NCK2: variants seen among roughly 807,000 people sequenced by gnomAD.
NCK2 encodes cytoplasmic protein NCK2.
Under a neutral mutation model 33.9 loss-of-function variants are expected in NCK2, and 16 were observed. That is an observed-to-expected ratio of 0.47 (90% confidence interval 0.32 to 0.72). NCK2 has a LOEUF of 0.72. NCK2 is among the 30% of genes least tolerant of loss of function. The probability of loss-of-function intolerance (pLI) is 0.03; values close to 1 mark genes in which losing one functional copy is unlikely to be tolerated. For missense variants in NCK2, 418 were observed against 537.3 expected (o/e 0.78, Z 2.19); for synonymous variants, 273 against 239.9 (o/e 1.14, Z -1.27).
chr2:105,854,841 A>T, intron 2 of NCK2: 2 of 496,996 alleles, frequency 4.0e-6, no homozygotes, highest in Non-Finnish European at 7.3e-6. Flanking sequence ...GTAACATAAG[A>T]TTTGTTTTAT....
intron 2 of NCK2, among the ~76,000 whole-genome samples, chr2:105,827,013 T>C (rs1488585783): frequency 6.6e-6 from 1 of 152,074 alleles, no homozygotes; most frequent in Non-Finnish European, 1.5e-5. Context: ...TTTTTATTTT[T>C]TTTTGAGATG....
intron 3 of NCK2, among the ~76,000 whole-genome samples, chr2:105,865,196 G>A (rs1033864907): frequency 6.6e-5 from 10 of 152,178 alleles, no homozygotes; most frequent in Admixed American, 5.2e-4. Flanking sequence ...CAAATGGGCC[G>A]TGATAATTAT....
chr2:105,881,217 T>A, intron 3 of NCK2, 111 bp from the exon 4 acceptor site: 1 of 1,421,624 alleles, frequency 7.0e-7, no homozygotes, highest in Non-Finnish European at 9.3e-7. Context: ...TGTCCATGTG[T>A]CGTCCCCTTG....
intron 3 of NCK2, among the ~76,000 whole-genome samples, chr2:105,866,863 G>A (rs139441260): frequency 3.3e-5 from 5 of 152,336 alleles, no homozygotes; most frequent in Non-Finnish European, 5.9e-5. Flanking sequence ...CTTCCTGGGT[G>A]TTGAGTGCTT....
chr2:105,780,656 A>AC (rs1008163022), intron 1 of NCK2, among the ~76,000 whole-genome samples: 1 of 151,788 alleles, frequency 6.6e-6, no homozygotes, highest in Non-Finnish European at 1.5e-5. Context: ...TTGAGATCCT[A>AC]CCCCCCAAGG....
chr2:105,783,977 G>A (rs1016547310), intron 1 of NCK2, among the ~76,000 whole-genome samples: 1 of 152,244 alleles, frequency 6.6e-6, no homozygotes, highest in African/African-American at 2.4e-5. Flanking sequence ...GCCTTTGCAG[G>A]TCACTGAGTA....
chr2:105,796,979 T>C (rs1691101731), intron 1 of NCK2, among the ~76,000 whole-genome samples: 1 of 152,176 alleles, frequency 6.6e-6, no homozygotes, highest in African/African-American at 2.4e-5. Context: ...CTAGCTGGGG[T>C]GAGTGTTTGC....
At chr2:105,854,711 A>T (rs1677191605) in intron 2 of NCK2, 1 of 217,182 alleles carries the variant, frequency 4.6e-6, no homozygotes. Context: ...GTGTCAACCT[A>T]ACAGTTATCA....
chr2:105,783,163 C>T (rs959611937), intron 1 of NCK2, among the ~76,000 whole-genome samples: 19 of 152,248 alleles, frequency 1.2e-4, no homozygotes, highest in African/African-American at 3.9e-4. Flanking sequence ...TGCTTTCTGC[C>T]GCAGCAGCTG....
chr2:105,804,466 C>G (rs754455009), intron 1 of NCK2, among the ~76,000 whole-genome samples: 1 of 152,220 alleles, frequency 6.6e-6, no homozygotes, highest in South Asian at 2.1e-4. Context: ...CACAGCTAAT[C>G]TGGCATTTAT....
intron 3 of NCK2, among the ~76,000 whole-genome samples, chr2:105,869,881 A>T (rs1016721911): frequency 5.3e-5 from 8 of 152,140 alleles, no homozygotes; most frequent in Admixed American, 1.3e-4. Context: ...ACTTTCATTC[A>T]CATTTGTGAG....
chr2:105,847,975 T>C (rs569420273), intron 2 of NCK2, among the ~76,000 whole-genome samples: 1 of 152,270 alleles, frequency 6.6e-6, no homozygotes, highest in African/African-American at 2.4e-5. Context: ...TCATCCCAAT[T>C]TTACTACCTT....
chr2:105,881,792 G>C lies in NCK2; in HGVS notation c.691G>C (p.Asp231His). The C allele has an allele frequency of 6.2e-7, 1 of 1,612,854 alleles. No homozygotes were observed. The highest frequency in any genetic ancestry group is 8.5e-7 in the Non-Finnish European group (1 of 1,179,430). Residue 231 changes from aspartate to histidine, a missense_variant, in exon 4 of 5, where the codon GAC (aspartate) becomes CAC (histidine). Transcript: ENST00000233154. ...GGAGGTGATTGAGAAGCCGGAGAAC[G>C]ACCCCGAGTGGTGGAAATGCAAAAA... is the stretch of plus-strand genomic sequence containing the variant. Reference protein sequence around the residue: ...TMEVIEKPENDPEWWKCKNAR... With the variant: ...TMEVIEKPENHPEWWKCKNAR...
At chr2:105,753,649 T>C (rs561640651) in intron 1 of NCK2, among the ~76,000 whole-genome samples, 1 of 152,314 alleles carries the variant, frequency 6.6e-6, no homozygotes, top group South Asian at 2.1e-4. Context: ...TTCTCACTCT[T>C]CCAAGTGGCC....
At chr2:105,864,011 T>G (rs1677651502) in intron 3 of NCK2, among the ~76,000 whole-genome samples, 2 of 150,678 alleles carry the variant, frequency 1.3e-5, no homozygotes, top group Non-Finnish European at 3.0e-5. Flanking sequence ...AGAGTGCAAG[T>G]GAGGATGTGA....
intron 2 of NCK2, among the ~76,000 whole-genome samples, chr2:105,834,017 T>C (rs1373408462): frequency 6.6e-6 from 1 of 152,264 alleles, no homozygotes; most frequent in Non-Finnish European, 1.5e-5. Context: ...ATACCTGACT[T>C]TGATTTATAA....
At chr2:105,795,092 C>T (rs1442757930) in intron 1 of NCK2, among the ~76,000 whole-genome samples, 1 of 152,206 alleles carries the variant, frequency 6.6e-6, no homozygotes, top group Non-Finnish European at 1.5e-5. Context: ...TCCAGTTCCC[C>T]CACATGAACT....
chr2:105,862,218 G>A (rs1677568578), intron 3 of NCK2, among the ~76,000 whole-genome samples: 1 of 152,144 alleles, frequency 6.6e-6, no homozygotes, highest in East Asian at 1.9e-4. Flanking sequence ...GGAAGAATTA[G>A]AGGGCTTCAG....
chr2:105,876,041 A>G (rs1231922110), intron 3 of NCK2, among the ~76,000 whole-genome samples: 2 of 152,184 alleles, frequency 1.3e-5, no homozygotes, highest in Non-Finnish European at 2.9e-5. Flanking sequence ...AACAAGCTGT[A>G]GATAAAGTCA....
Sources: gnomAD v4.1 joint callset for allele counts (sites outside exome capture counted in the v4.1 genomes callset) on GRCh38, gnomAD v4.1.1 for gene constraint, MANE v1.5 for transcripts, NCBI Gene and HGNC (gene_info 2026-07-23, HGNC 2026-07-21) for gene names.